FOXJ3: variants seen among roughly 807,000 people sequenced by gnomAD.
The protein encoded by FOXJ3 is forkhead box J3.
A neutral mutation model predicts 76.1 loss-of-function variants in FOXJ3; 22 were observed. The ratio of observed to expected loss-of-function variants is 0.29; its 90% CI spans 0.21 to 0.41. The LOEUF (loss-of-function observed/expected upper bound fraction) is 0.41. FOXJ3 is among the 10% of genes least tolerant of loss of function. The pLI is 1.00. For synonymous variants in FOXJ3, 269 were observed against 261.2 expected (o/e 1.03, Z -0.29); for missense variants, 613 against 762.1 (o/e 0.80, Z 2.30).
chr1:42,252,418 T>C (rs2124574603), intron 4 of FOXJ3, among the ~76,000 whole-genome samples: 1 of 152,266 alleles, frequency 6.6e-6, no homozygotes, highest in South Asian at 2.1e-4. Context: ...CGTAGAGGTG[T>C]TTGTAGTATT....
Position 42,179,561 on chromosome 1 carries a change from TA to T in FOXJ3, c.*148del. 2 of 547,410 alleles carry T rather than the reference TA, an allele frequency of 3.7e-6. No homozygotes were observed. Among genetic ancestry groups the T allele is most frequent in the South Asian group, 4.7e-5 (2 of 42,624 alleles). 33.9% of individuals were successfully genotyped at this position (547,410 alleles called of 1,614,324 possible). On this transcript the variant is annotated 3_prime_UTR_variant, in exon 13 of 13. Transcript: ENST00000361346. ...AGATAAAAGCAGTAAGTTATCCAGC[TA>T]AAATCCTTCTGATTGTCTTCAAAAG... is the stretch of plus-strand genomic sequence containing the variant.
chr1:42,257,858 C>A (rs537826810), intron 4 of FOXJ3, among the ~76,000 whole-genome samples: 1 of 152,048 alleles, frequency 6.6e-6, no homozygotes, highest in South Asian at 2.1e-4. Flanking sequence ...AAATAAAGTG[C>A]ATTTTAACTA....
At chr1:42,232,294 A>G (rs556871253) in intron 4 of FOXJ3, among the ~76,000 whole-genome samples, 57 of 144,364 alleles carry the variant, frequency 3.9e-4, no homozygotes, top group African/African-American at 1.4e-3. Context: ...ATGATTTACA[A>G]TCCTTTCGGT....
chr1:42,291,877 C>T (rs1047133386), intron 2 of FOXJ3, among the ~76,000 whole-genome samples: 5 of 151,900 alleles, frequency 3.3e-5, no homozygotes, highest in Non-Finnish European at 5.9e-5. Context: ...TTTTAAAGGG[C>T]GAAAGACTTG....
intron 9 of FOXJ3, 197 bp from the exon 10 acceptor site, chr1:42,189,601 A>T (rs1215416267): frequency 8.6e-6 from 4 of 464,248 alleles, no homozygotes; most frequent in African/African-American, 8.0e-5. Flanking sequence ...TCTCCATTTT[A>T]CAAATAAAAG....
At chr1:42,315,512 T>G (rs1655053187) in intron 1 of FOXJ3, 1 of 465,140 alleles carries the variant, frequency 2.1e-6, no homozygotes, top group South Asian at 9.2e-5. Context: ...ACTATCAAAT[T>G]CTAACTTCTA....
chr1:42,274,035 A>G (rs1652069241), intron 3 of FOXJ3, among the ~76,000 whole-genome samples: 1 of 152,136 alleles, frequency 6.6e-6, no homozygotes, highest in Non-Finnish European at 1.5e-5. Flanking sequence ...GTTTACAATC[A>G]ATGATACAGA....
intron 2 of FOXJ3, among the ~76,000 whole-genome samples, chr1:42,297,068 GTGTCTAC>G (rs1046317249): frequency 6.6e-6 from 1 of 152,120 alleles, no homozygotes; most frequent in African/African-American, 2.4e-5. Flanking sequence ...GTGTGTGTGT[GTGTCTAC>G]TGTAAATGGG....
chr1:42,208,569 C>T (rs1646904417), intron 5 of FOXJ3, among the ~76,000 whole-genome samples: 1 of 152,152 alleles, frequency 6.6e-6, no homozygotes, highest in Admixed American at 6.5e-5. Context: ...TATAATAAGT[C>T]CATAGCTAAC....
intron 5 of FOXJ3, among the ~76,000 whole-genome samples, chr1:42,225,395 A>G (rs1569940661): frequency 6.6e-6 from 1 of 152,200 alleles, no homozygotes; most frequent in Non-Finnish European, 1.5e-5. Context: ...AAAATACTAT[A>G]TATTATATAA....
chr1:42,231,343 A>C (rs766676287), intron 4 of FOXJ3, among the ~76,000 whole-genome samples: 1 of 152,020 alleles, frequency 6.6e-6, no homozygotes, highest in Non-Finnish European at 1.5e-5. Flanking sequence ...GAAACCAAAC[A>C]AACAAAAAAA....
chr1:42,257,621 C>A (rs1650701000), intron 4 of FOXJ3, among the ~76,000 whole-genome samples: 1 of 151,852 alleles, frequency 6.6e-6, no homozygotes, highest in Non-Finnish European at 1.5e-5. Flanking sequence ...CGCTTGTAAT[C>A]CCGCCTACAG....
chr1:42,266,234 G>T (rs560640215), intron 3 of FOXJ3, among the ~76,000 whole-genome samples: 12 of 152,094 alleles, frequency 7.9e-5, no homozygotes, highest in African/African-American at 2.7e-4. Flanking sequence ...GTTTTTAAAA[G>T]ATGACTACAG....
intron 2 of FOXJ3, among the ~76,000 whole-genome samples, chr1:42,299,296 G>C (rs1418280529): frequency 1.3e-5 from 2 of 151,776 alleles, no homozygotes; most frequent in African/African-American, 2.4e-5. Context: ...CTCTGGTGTG[G>C]AGTGCATATA....
At chr1:42,244,471 C>T (rs1160324922) in intron 4 of FOXJ3, among the ~76,000 whole-genome samples, 3 of 152,146 alleles carry the variant, frequency 2.0e-5, no homozygotes, top group South Asian at 4.2e-4. Flanking sequence ...GAGCTAGGAT[C>T]GTGTCACTTC....
Position 42,205,791 on chromosome 1 carries a change from T to C in FOXJ3, c.601A>G (p.Thr201Ala). The C allele has an allele frequency of 6.2e-7, 1 of 1,609,252 alleles. No individual in the cohort carries two copies. The highest frequency in any genetic ancestry group is 8.5e-7 in the Non-Finnish European group (1 of 1,175,618). The change falls in exon 6 of 13, where the codon ACT becomes GCT. Residue 201 changes from threonine (T) to alanine (A), a missense_variant. Around this residue, in one of 3 missense-constraint regions of FOXJ3, gnomAD observed 526 missense variants for 601.4 expected, o/e 0.87. Coordinates refer to ENST00000361346, the MANE Select transcript of FOXJ3 (RefSeq NM_014947.5). Reference sequence around the variant, plus strand: ...TTAGTCACAGTGTTGATTGCCAGAGTTGGAGAGGCACTTCCCGAAATAATA... The same window carrying C: ...TTAGTCACAGTGTTGATTGCCAGAGCTGGAGAGGCACTTCCCGAAATAATA... Reference protein sequence around the residue: ...ECIISGSASPTLAINTVTNKV... With the variant: ...ECIISGSASPALAINTVTNKV...
At chr1:42,324,043 T>C (rs1655590059) in intron 1 of FOXJ3, among the ~76,000 whole-genome samples, 1 of 129,484 alleles carries the variant, frequency 7.7e-6, no homozygotes, top group Non-Finnish European at 1.7e-5. Context: ...ACACACTATA[T>C]ATAGTATATA....
chr1:42,215,883 C>A (rs539982097), intron 5 of FOXJ3, among the ~76,000 whole-genome samples: 1 of 152,070 alleles, frequency 6.6e-6, no homozygotes, highest in Non-Finnish European at 1.5e-5. Flanking sequence ...GCAGGCTGGG[C>A]GTGGTGGCTC....
At chr1:42,247,128 T>C (rs544364128) in intron 4 of FOXJ3, among the ~76,000 whole-genome samples, 3 of 152,144 alleles carry the variant, frequency 2.0e-5, no homozygotes, top group Admixed American at 6.5e-5. Flanking sequence ...TTATCAACAA[T>C]GTATTGTTTA....
Sources: allele counts gnomAD v4.1 joint callset (sites outside exome capture counted in the v4.1 genomes callset), GRCh38; gene constraint gnomAD v4.1.1; regional missense constraint gnomAD v4.1.1; transcripts MANE v1.5; gene names NCBI Gene and HGNC (gene_info 2026-07-23, HGNC 2026-07-21).